FOXP1: variants seen among roughly 807,000 people sequenced by gnomAD.
FOXP1 encodes forkhead box P1, also known as forkhead box protein P1.
In FOXP1, 15 loss-of-function variants were observed where a neutral mutation model predicts 98.2. The ratio of observed to expected loss-of-function variants is 0.15; its 90% CI spans 0.10 to 0.24. FOXP1 has a LOEUF of 0.24. Among genes scored for constraint, FOXP1 ranks in the 10% least tolerant of loss-of-function variants. FOXP1 has a pLI of 1.00. For missense variants in FOXP1, 633 were observed against 848.5 expected (o/e 0.75, Z 3.15); for synonymous variants, 371 against 314.5 (o/e 1.18, Z -1.90).
At chr3:71,244,923 G>A (rs1313842073) in intron 5 of FOXP1, 1 of 149,768 alleles carries the variant, frequency 6.7e-6, no homozygotes, top group African/African-American at 2.5e-5. Flanking sequence ...TATGTCTCAA[G>A]GAATTAATCC....
intron 3 of FOXP1, among the ~76,000 whole-genome samples, chr3:71,407,743 A>C (rs1035203945): frequency 1.3e-5 from 2 of 152,038 alleles, no homozygotes; most frequent in African/African-American, 4.8e-5. Flanking sequence ...GGCGGATCAT[A>C]AACAGCACAA....
intron 3 of FOXP1, among the ~76,000 whole-genome samples, chr3:71,479,497 G>A (rs767269401): frequency 2.0e-4 from 31 of 151,978 alleles, no homozygotes; most frequent in Non-Finnish European, 3.7e-4. Context: ...TGACCAACAT[G>A]TTGAAACTCC....
intron 2 of FOXP1, among the ~76,000 whole-genome samples, chr3:71,504,726 A>G (rs2041677245): frequency 6.6e-6 from 1 of 152,178 alleles, no homozygotes; most frequent in Admixed American, 6.5e-5. Flanking sequence ...GTCATCAAGA[A>G]AAGTGTCACG....
intron 7 of FOXP1, among the ~76,000 whole-genome samples, chr3:71,061,138 A>G (rs2051412148): frequency 1.3e-5 from 2 of 152,024 alleles, no homozygotes; most frequent in Admixed American, 6.5e-5. Flanking sequence ...GCAAAATGTC[A>G]CTTGGTGGGG....
chr3:71,011,137 C>G (rs987717403), intron 12 of FOXP1, among the ~76,000 whole-genome samples: 4 of 152,104 alleles, frequency 2.6e-5, no homozygotes, highest in African/African-American at 9.7e-5. Flanking sequence ...CCAGTCAATG[C>G]GTAACTCAGG....
At chr3:71,573,210 C>A (rs1370551939) in intron 2 of FOXP1, among the ~76,000 whole-genome samples, 1 of 152,202 alleles carries the variant, frequency 6.6e-6, no homozygotes, top group Non-Finnish European at 1.5e-5. Flanking sequence ...AATGAGATTT[C>A]TCTCTAAGTA....
At chr3:71,224,275 A>G (rs931276014) in intron 5 of FOXP1, among the ~76,000 whole-genome samples, 1 of 152,278 alleles carries the variant, frequency 6.6e-6, no homozygotes, top group East Asian at 1.9e-4. Flanking sequence ...AACTGCATAC[A>G]GGGACTCAGC....
chr3:71,267,980 TG>T, intron 5 of FOXP1, among the ~76,000 whole-genome samples: 1 of 144,540 alleles, frequency 6.9e-6, no homozygotes, highest in Non-Finnish European at 1.5e-5. Flanking sequence ...ATCACAGCAC[TG>T]TACCCTAGCC....
intron 4 of FOXP1, among the ~76,000 whole-genome samples, chr3:71,342,674 C>A (rs1359910604): frequency 1.4e-5 from 2 of 137,960 alleles, no homozygotes; most frequent in African/African-American, 5.2e-5. Context: ...GCCTGGGTGA[C>A]AGAGACTCCG....
At chr3:71,570,117 C>A (rs1302021133) in intron 2 of FOXP1, 1 of 152,238 alleles carries the variant, frequency 6.6e-6, no homozygotes, top group Non-Finnish European at 1.5e-5. Context: ...GGAGCTCTGA[C>A]AAGTCCCTAC....
intron 3 of FOXP1, among the ~76,000 whole-genome samples, chr3:71,428,798 G>T (rs1362305313): frequency 6.6e-6 from 1 of 152,180 alleles, no homozygotes; most frequent in Non-Finnish European, 1.5e-5. Context: ...AAACTTGAAG[G>T]GGAACATTGG....
At chr3:71,525,954 A>G (rs1292499489) in intron 2 of FOXP1, among the ~76,000 whole-genome samples, 1 of 151,982 alleles carries the variant, frequency 6.6e-6, no homozygotes, top group Non-Finnish European at 1.5e-5. Flanking sequence ...CATCTCTACT[A>G]AAAATACAAA....
intron 4 of FOXP1, among the ~76,000 whole-genome samples, chr3:71,338,622 G>A (rs2076828746): frequency 6.6e-6 from 1 of 152,024 alleles, no homozygotes; most frequent in African/African-American, 2.4e-5. Context: ...TAGAGGCGGG[G>A]TTTCACCCTA....
At chr3:71,087,905 A>T (rs1156597933) in intron 7 of FOXP1, among the ~76,000 whole-genome samples, 1 of 152,202 alleles carries the variant, frequency 6.6e-6, no homozygotes, top group Non-Finnish European at 1.5e-5. Flanking sequence ...TTGCATGTAT[A>T]AGTTTTGTAA....
intron 3 of FOXP1, among the ~76,000 whole-genome samples, chr3:71,432,106 G>C (rs1203222971): frequency 3.9e-5 from 6 of 152,178 alleles, no homozygotes; most frequent in African/African-American, 1.4e-4. Context: ...GCACTCTTTA[G>C]AGAAAGCAGA....
intron 4 of FOXP1, among the ~76,000 whole-genome samples, chr3:71,321,964 C>T (rs1003588719): frequency 6.6e-6 from 1 of 152,196 alleles, no homozygotes; most frequent in Admixed American, 6.5e-5. Context: ...CGTCACTTAA[C>T]TTTGCTGATC....
chr3:71,089,598 T>C (rs1343967616), intron 7 of FOXP1, among the ~76,000 whole-genome samples: 1 of 152,212 alleles, frequency 6.6e-6, no homozygotes, highest in Middle Eastern at 3.2e-3. Flanking sequence ...ACACACTTTC[T>C]TCCTGCAGGA....
At chr3:71,180,740 G>A (rs1022990436) in intron 6 of FOXP1, among the ~76,000 whole-genome samples, 9 of 152,112 alleles carry the variant, frequency 5.9e-5, no homozygotes, top group African/African-American at 7.2e-5. Flanking sequence ...TAAATGACCC[G>A]TGGCAAATTG....
chr3:71,013,343 C>T (rs762416654), intron 12 of FOXP1, among the ~76,000 whole-genome samples: 7 of 152,108 alleles, frequency 4.6e-5, no homozygotes, highest in Non-Finnish European at 7.4e-5. Flanking sequence ...TCCAATCACC[C>T]AGCTGCAATT....
Sources: gnomAD v4.1 joint callset for allele counts (sites outside exome capture counted in the v4.1 genomes callset) on GRCh38, gnomAD v4.1.1 for gene constraint, MANE v1.5 for transcripts, NCBI Gene and HGNC (gene_info 2026-07-23, HGNC 2026-07-21) for gene names.